Variants in NTM observed in about 807,000 individuals in gnomAD.
The protein encoded by NTM is neurotrimin, also known as IgLON family member 2.
Under a neutral mutation model 42.1 loss-of-function variants are expected in NTM, and 13 were observed. The observed-to-expected ratio is 0.31, with a 90% CI of 0.20 to 0.49. NTM has a LOEUF of 0.49. Among genes scored for constraint, NTM ranks in the 20% least tolerant of loss-of-function variants. The pLI, the probability that NTM is intolerant of heterozygous loss-of-function variation, is 0.99. For missense variants in NTM, 373 were observed against 452.8 expected, an observed-to-expected ratio of 0.82 and a Z score of 1.60; for synonymous variants, 187 against 179.2, an observed-to-expected ratio of 1.04 and a Z score of -0.35.
intron 1 of NTM, among the ~76,000 whole-genome samples, chr11:131,789,601 G>GAAGAA (rs2090385934): frequency 1.2e-5 from 1 of 80,662 alleles, no homozygotes; most frequent in African/African-American, 5.9e-5. Flanking sequence ...AGAAGAAGAA[G>GAAGAA]AAGAAGAAGA....
At chr11:131,701,410 C>T (rs1289388764) in intron 1 of NTM, among the ~76,000 whole-genome samples, 1 of 152,182 alleles carries the variant, frequency 6.6e-6, no homozygotes, top group Non-Finnish European at 1.5e-5. Flanking sequence ...CTTGAATTCC[C>T]TCATCTACTA....
chr11:131,992,706 A>C (rs750739272), intron 2 of NTM, among the ~76,000 whole-genome samples: 1 of 152,162 alleles, frequency 6.6e-6, no homozygotes, highest in African/African-American at 2.4e-5. Context: ...ATACTTTTCT[A>C]TGTTCCTCTT....
chr11:131,702,364 C>G (rs2076163135), intron 1 of NTM, among the ~76,000 whole-genome samples: 2 of 152,208 alleles, frequency 1.3e-5, no homozygotes, highest in Admixed American at 6.5e-5. Context: ...AGCATAAATT[C>G]CTATTTCATC....
chr11:131,687,531 C>T (rs2074047989), intron 1 of NTM, among the ~76,000 whole-genome samples: 1 of 152,204 alleles, frequency 6.6e-6, no homozygotes, highest in Non-Finnish European at 1.5e-5. Context: ...GTGGGGCCGG[C>T]GTCCCGCCTT....
rs1048583591 is a variant in NTM at position 131,669,820 on chromosome 11, C to A, written c.83-241744C>A. On this transcript the variant is annotated intron_variant, in intron 1 of 8. Coordinates refer to ENST00000683400, the MANE Select transcript of NTM (RefSeq NM_001352005.2). ...ACTATAAAAAAGTATCCTGCAGCTC[C>A]GTGGTAATAAACTTGTCTGTGACTT... Among the ~76,000 whole-genome samples, 7 of 152,140 alleles carry A rather than the reference C, an allele frequency of 4.6e-5. No individual in the cohort carries two copies. In the South Asian group the frequency reaches 1.5e-3, roughly 32 times the overall value.
chr11:131,809,826 G>T (rs2092665403), intron 1 of NTM, among the ~76,000 whole-genome samples: 1 of 152,172 alleles, frequency 6.6e-6, no homozygotes. Context: ...TGTCCCAAAG[G>T]TAGGTGAGCT....
chr11:131,515,831 G>C (rs2048828361), intron 1 of NTM, among the ~76,000 whole-genome samples: 1 of 152,084 alleles, frequency 6.6e-6, no homozygotes, highest in Non-Finnish European at 1.5e-5. Flanking sequence ...TGGATGCCCA[G>C]CCTAATTTAC....
At chr11:131,574,910 A>G (rs1163664154) in intron 1 of NTM, among the ~76,000 whole-genome samples, 1 of 152,076 alleles carries the variant, frequency 6.6e-6, no homozygotes, top group African/African-American at 2.4e-5. Context: ...CTATTTGAAT[A>G]GCAGCAATCC....
At chr11:132,188,885 T>C (rs2078858671) in intron 3 of NTM, among the ~76,000 whole-genome samples, 1 of 152,298 alleles carries the variant, frequency 6.6e-6, no homozygotes, top group Middle Eastern at 3.4e-3. Flanking sequence ...ACAGTGTGCA[T>C]GGGAGCCATT....
chr11:131,745,824 T>C (rs1226728301), intron 1 of NTM, among the ~76,000 whole-genome samples: 1 of 152,222 alleles, frequency 6.6e-6, no homozygotes, highest in African/African-American at 2.4e-5. Flanking sequence ...TTTCTAGCTC[T>C]TAGGGAAGCT....
chr11:131,551,283 A>C (rs2054625936), intron 1 of NTM, among the ~76,000 whole-genome samples: 1 of 152,226 alleles, frequency 6.6e-6, no homozygotes, highest in African/African-American at 2.4e-5. Context: ...TTTAGAAAGA[A>C]GATAATAGCT....
At chr11:131,391,842 G>A (rs1944051721) in intron 1 of NTM, among the ~76,000 whole-genome samples, 3 of 151,916 alleles carry the variant, frequency 2.0e-5, no homozygotes, top group Non-Finnish European at 4.4e-5. Flanking sequence ...AATATATAGG[G>A]TCCAAGCCAG....
Position 131,793,957 on chromosome 11 carries a change from T to A in NTM, c.83-117607T>A, listed in dbSNP as rs150495494. On this transcript the variant is annotated intron_variant, in intron 1 of 8. Coordinates refer to ENST00000683400, the MANE Select transcript of NTM (RefSeq NM_001352005.2). ...CGACTAGAGTGCTGGAGGGATTGAC[T>A]GGTGAGATAAGATTAAAAGACCTCA... Among the ~76,000 whole-genome samples, 20 of 152,324 alleles carry A rather than the reference T, an allele frequency of 1.3e-4. No homozygotes were observed. In the East Asian group the frequency reaches 3.9e-3, roughly 29 times the overall value.
intron 4 of NTM, among the ~76,000 whole-genome samples, chr11:132,284,604 A>G: frequency 6.6e-6 from 1 of 151,730 alleles, no homozygotes; most frequent in East Asian, 1.9e-4. Flanking sequence ...TGATACTGGG[A>G]CCCTGCTTCC....
intron 1 of NTM, among the ~76,000 whole-genome samples, chr11:131,704,759 A>G (rs554824096): frequency 6.6e-6 from 1 of 152,346 alleles, no homozygotes; most frequent in Non-Finnish European, 1.5e-5. Context: ...TGAACAAAAT[A>G]ATAAGTTCAA....
chr11:131,940,347 GA>G (rs2059663736), intron 2 of NTM, among the ~76,000 whole-genome samples: 1 of 152,222 alleles, frequency 6.6e-6, no homozygotes, highest in Non-Finnish European at 1.5e-5. Context: ...GGTTGTTGAG[GA>G]AGAAAAGTGG....
At chr11:131,689,027 C>T (rs570949946) in intron 1 of NTM, among the ~76,000 whole-genome samples, 3 of 152,200 alleles carry the variant, frequency 2.0e-5, no homozygotes, top group African/African-American at 4.8e-5. Context: ...TAATTTTACA[C>T]GTGCATGCCT....
intron 1 of NTM, among the ~76,000 whole-genome samples, chr11:131,769,230 C>T (rs568749227): frequency 1.3e-5 from 2 of 152,300 alleles, no homozygotes; most frequent in Admixed American, 6.5e-5. Flanking sequence ...ACCTCAAAAT[C>T]CATTACTTTG....
intron 1 of NTM, among the ~76,000 whole-genome samples, chr11:131,548,399 A>G (rs1398872312): frequency 6.6e-6 from 1 of 152,186 alleles, no homozygotes; most frequent in Non-Finnish European, 1.5e-5. Context: ...TTTTTTAAAA[A>G]GCCTATCTCC....
Sources: gnomAD v4.1 joint callset for allele counts (sites outside exome capture counted in the v4.1 genomes callset) on GRCh38, gnomAD v4.1.1 for gene constraint, MANE v1.5 for transcripts, NCBI Gene and HGNC (gene_info 2026-07-23, HGNC 2026-07-21) for gene names.